The following RPRD1B variants were observed in gnomAD, a reference collection of about 807,000 sequenced individuals.
RPRD1B encodes regulation of nuclear pre-mRNA domain-containing protein 1B.
In RPRD1B, 11 loss-of-function variants were observed where a neutral mutation model predicts 41.5. The ratio of observed to expected loss-of-function variants is 0.27; its 90% CI spans 0.17 to 0.44. The LOEUF (loss-of-function observed/expected upper bound fraction) is 0.44, where lower values mean the gene tolerates loss of function less well. Among genes scored for constraint, RPRD1B ranks in the 20% least tolerant of loss-of-function variants. The probability of loss-of-function intolerance (pLI) is 1.00; values close to 1 mark genes in which losing one functional copy is unlikely to be tolerated. For missense variants in RPRD1B, 248 were observed against 389.9 expected (o/e 0.64, Z 3.06); for synonymous variants, 158 against 155.6 (o/e 1.02, Z -0.12).
chr20:38,046,374 A>G (rs917415485), intron 2 of RPRD1B, among the ~76,000 whole-genome samples: 4 of 152,248 alleles, frequency 2.6e-5, no homozygotes, highest in Admixed American at 6.5e-5. Flanking sequence ...ACCGAAACCC[A>G]TATACATTTT....
intron 2 of RPRD1B, among the ~76,000 whole-genome samples, chr20:38,046,226 C>T (rs1345722296): frequency 2.6e-5 from 4 of 152,140 alleles, no homozygotes; most frequent in Non-Finnish European, 5.9e-5. Flanking sequence ...ATTGCTGAGT[C>T]GAGCCCTAGA....
intron 3 of RPRD1B, among the ~76,000 whole-genome samples, chr20:38,049,999 C>T (rs553133015): frequency 2.0e-5 from 3 of 152,288 alleles, no homozygotes; most frequent in African/African-American, 4.8e-5. Flanking sequence ...GTCCTTCTAC[C>T]GCTTTCACTG....
At chr20:38,070,677 T>C (rs1365985416) in intron 6 of RPRD1B, 2 of 984,924 alleles carry the variant, frequency 2.0e-6, no homozygotes, top group Admixed American at 6.2e-5. Context: ...GAAACCTATT[T>C]GTACAAGTAT....
chr20:38,060,386 C>T (rs1302030978), intron 5 of RPRD1B, among the ~76,000 whole-genome samples: 1 of 152,232 alleles, frequency 6.6e-6, no homozygotes, highest in African/African-American at 2.4e-5. Context: ...TAAAGGAAAT[C>T]AAGGTCACTG....
chr20:38,048,916 C>G (rs541847696), intron 3 of RPRD1B, among the ~76,000 whole-genome samples: 2 of 152,236 alleles, frequency 1.3e-5, no homozygotes, highest in South Asian at 2.1e-4. Flanking sequence ...GAAACATATC[C>G]TTAGGATTGT....
rs1182799554 is a variant in RPRD1B at position 38,090,619 on chromosome 20, C to T, written c.*744C>T. ...GATACAACCTTCCCATGCTGCACTT[C>T]TCCACTGTCGGAGCACGTTCCGAAA... On this transcript the variant is annotated 3_prime_UTR_variant, in exon 7 of 7. Transcript: ENST00000373433. The T allele has an allele frequency of 1.0e-6, 1 of 985,382 alleles. No individual in the cohort carries two copies. The highest frequency in any genetic ancestry group is 6.1e-5 in the Admixed American group (1 of 16,270). The allele number at this position is 985,382 out of a possible 1,614,324, so 61.0% of individuals were successfully genotyped here.
At chr20:38,035,910 G>A (rs188098676) in intron 1 of RPRD1B, among the ~76,000 whole-genome samples, 238 of 152,046 alleles carry the variant, frequency 1.6e-3, no homozygotes, top group Non-Finnish European at 2.7e-3. Flanking sequence ...AACTACAGGG[G>A]CCCGCCACCA....
At chr20:38,071,648 C>G (rs1905868861) in intron 6 of RPRD1B, among the ~76,000 whole-genome samples, 1 of 152,202 alleles carries the variant, frequency 6.6e-6, no homozygotes. Context: ...CATTTTACAT[C>G]CCCACTAGCA....
At position 38,082,751 on chromosome 20, in the gene RPRD1B, C is replaced by T. The variant is rs7261828; in HGVS notation, c.832-6975C>T. On this transcript the variant is annotated intron_variant, in intron 6 of 6. Transcript: ENST00000373433. ...TCCAGTAGAAAAGATATGATATACT[C>T]CCAGTCATTTGGAGGTGCTAAGAAA... Among the ~76,000 whole-genome samples the T allele has an allele frequency of 3.5e-3, 526 of 152,254 alleles. 2 individuals are homozygous for T. The highest frequency in any genetic ancestry group is 0.012 in the African/African-American group (497 of 41,540).
At chr20:38,051,531 C>T (rs528509510) in intron 3 of RPRD1B, among the ~76,000 whole-genome samples, 8 of 152,248 alleles carry the variant, frequency 5.3e-5, no homozygotes, top group Admixed American at 5.2e-4. Flanking sequence ...GATACTGGCT[C>T]AAAAAGGTAT....
At chr20:38,089,485 C>T (rs565456469) in intron 6 of RPRD1B, among the ~76,000 whole-genome samples, 3 of 152,192 alleles carry the variant, frequency 2.0e-5, no homozygotes, top group Admixed American at 6.5e-5. Flanking sequence ...AAATCTCAAG[C>T]CCTAAATTGA....
At chr20:38,059,806 G>T (rs536311837) in intron 5 of RPRD1B, among the ~76,000 whole-genome samples, 1 of 152,292 alleles carries the variant, frequency 6.6e-6, no homozygotes, top group East Asian at 1.9e-4. Flanking sequence ...AATTGTGTGC[G>T]TGTGGGGTGG....
intron 1 of RPRD1B, among the ~76,000 whole-genome samples, chr20:38,036,071 A>C (rs978215045): frequency 1.3e-5 from 2 of 151,976 alleles, no homozygotes; most frequent in Non-Finnish European, 2.9e-5. Flanking sequence ...GCCAAGTGTC[A>C]CTTCTTTTGT....
At chr20:38,064,481 G>C (rs972495748) in intron 5 of RPRD1B, among the ~76,000 whole-genome samples, 1 of 152,144 alleles carries the variant, frequency 6.6e-6, no homozygotes, top group Non-Finnish European at 1.5e-5. Context: ...AGTCTCTGGT[G>C]CCCTTTGTTT....
intron 3 of RPRD1B, among the ~76,000 whole-genome samples, chr20:38,055,236 G>A (rs1217652593): frequency 3.3e-5 from 5 of 152,168 alleles, no homozygotes; most frequent in African/African-American, 1.2e-4. Flanking sequence ...TAGAAACATT[G>A]AGAATTAAAG....
At chr20:38,076,905 C>CTTTTTTTTTT (rs1568660539) in intron 6 of RPRD1B, among the ~76,000 whole-genome samples, 4 of 95,194 alleles carry the variant, frequency 4.2e-5, no homozygotes, top group African/African-American at 1.6e-4. Flanking sequence ...TCATTCTGGA[C>CTTTTTTTTTT]CTTTTTTTTT....
At chr20:38,048,149 A>G (rs942315359) in intron 2 of RPRD1B, among the ~76,000 whole-genome samples, 199 bp from the exon 3 acceptor site, 2 of 152,218 alleles carry the variant, frequency 1.3e-5, no homozygotes. Flanking sequence ...CAATTATGGC[A>G]TGATCCCTCC....
chr20:38,071,805 T>C (rs1177675271), intron 6 of RPRD1B, among the ~76,000 whole-genome samples: 2 of 152,250 alleles, frequency 1.3e-5, no homozygotes, highest in East Asian at 3.8e-4. Context: ...TCTTTCAGTA[T>C]GCTTGTCGGC....
intron 6 of RPRD1B, chr20:38,070,093 A>C (rs984780302): frequency 3.5e-6 from 2 of 573,658 alleles, no homozygotes; most frequent in Non-Finnish European, 4.4e-6. Context: ...TAGTACGGAA[A>C]GGTAACCATT....
Sources: gnomAD v4.1 joint callset for allele counts (sites outside exome capture counted in the v4.1 genomes callset) on GRCh38, gnomAD v4.1.1 for gene constraint, MANE v1.5 for transcripts, NCBI Gene and HGNC (gene_info 2026-07-23, HGNC 2026-07-21) for gene names.